INPP5F: variants seen among roughly 807,000 people sequenced by gnomAD.
INPP5F encodes the protein phosphatidylinositide 4-phosphatase SAC2.
Under a neutral mutation model 137.2 loss-of-function variants are expected in INPP5F, and 97 were observed. That is an observed-to-expected ratio of 0.71 (90% confidence interval 0.60 to 0.84). INPP5F has a LOEUF of 0.84. Among genes scored for constraint, INPP5F ranks in the 40% least tolerant of loss-of-function variants. The probability of loss-of-function intolerance (pLI) is 0.00; values close to 1 mark genes in which losing one functional copy is unlikely to be tolerated. For synonymous variants in INPP5F, 504 were observed against 476.9 expected (o/e 1.06, Z -0.74); for missense variants, 1,271 against 1,371.9 (o/e 0.93, Z 1.16).
chr10:119,749,212 G>T lies in INPP5F; in HGVS notation c.98-1864G>T, dbSNP rs145416180. Among the ~76,000 whole-genome samples, 4 of 152,284 alleles carry T rather than the reference G, an allele frequency of 2.6e-5. No individual in the cohort carries two copies. The East Asian group carries it at 7.7e-4, about 29-fold the overall frequency. On this transcript the variant is annotated intron_variant, in intron 1 of 19. Transcript: ENST00000650623. The stretch of plus-strand genomic sequence containing the variant: ...TCTTCCCGGGTAGCTGAGAGTACAG[G>T]AATGCCCAGGTCTGGAGCCTCTGCT...
chr10:119,747,691 T>G (rs536892276), intron 1 of INPP5F, among the ~76,000 whole-genome samples: 18 of 152,342 alleles, frequency 1.2e-4, no homozygotes, highest in African/African-American at 3.8e-4. Context: ...CAAAAGCTAT[T>G]AATTAGAGAG....
chr10:119,727,639 A>AT (rs1025830146), intron 1 of INPP5F, among the ~76,000 whole-genome samples: 1 of 152,020 alleles, frequency 6.6e-6, no homozygotes, highest in Non-Finnish European at 1.5e-5. Flanking sequence ...AGGATAACTT[A>AT]TTTTTTTCCT....
chr10:119,750,973 CT>C, intron 1 of INPP5F, 102 bp from the exon 2 acceptor site: 1 of 767,588 alleles, frequency 1.3e-6, no homozygotes, highest in Non-Finnish European at 2.3e-6. Flanking sequence ...ATTCATACTG[CT>C]TTTTTGGGAC....
chr10:119,760,515 C>G (rs972143621), intron 2 of INPP5F, among the ~76,000 whole-genome samples: 1 of 152,184 alleles, frequency 6.6e-6, no homozygotes, highest in African/African-American at 2.4e-5. Flanking sequence ...GCCACCTATA[C>G]AGGTGCTTTC....
intron 14 of INPP5F, among the ~76,000 whole-genome samples, chr10:119,810,707 T>C (rs1420754938): frequency 1.3e-5 from 2 of 152,148 alleles, no homozygotes; most frequent in Non-Finnish European, 2.9e-5. Flanking sequence ...CAACTCATCA[T>C]TTTTTTGGAA....
In INPP5F at chr10:119,827,058, G is replaced by A; in HGVS notation, c.2677G>A (p.Gly893Ser). 2 of 1,613,992 alleles carry A rather than the reference G, an allele frequency of 1.2e-6. No homozygotes were observed. Among genetic ancestry groups the A allele is most frequent in the South Asian group, 1.1e-5 (1 of 91,074 alleles). ...AATAGATTACGTTCTTCCTAGTTGT[G>A]GTATTATTGCCTCAGCGCCTCGATT... ...GPIDYVLPSC[G>S]IIASAPRLGS... is the part of the protein sequence containing the mutation. The change falls in exon 20 of 20, where the codon GGT becomes AGT. Residue 893 changes from glycine to serine, a missense_variant. Coordinates refer to ENST00000650623, the MANE Select transcript of INPP5F (RefSeq NM_014937.4).
At chr10:119,812,062 C>A in intron 15 of INPP5F, 107 bp downstream of exon 15, 1 of 835,668 alleles carries the variant, frequency 1.2e-6, no homozygotes, top group Non-Finnish European at 2.0e-6. Context: ...GGATGCATGG[C>A]GCGTGACTAT....
At position 119,804,235 on chromosome 10, in the gene INPP5F, G is replaced by A; in HGVS notation, c.1179G>A (p.Lys393=). ...REKIIGDAYL[K]QVLLFNNSHL... ...AGATTATTGGCGATGCTTACCTGAA[G>A]CAAGTGTTGCTTTTCAACAACTCAC... Residue 393 remains lysine (K), a synonymous_variant, in exon 10 of 20, where the codon AAG becomes AAA. Transcript: ENST00000650623. 6.2e-7 allele frequency: 1 copy of A among 1,612,232 alleles called. No homozygotes were observed. The highest frequency in any genetic ancestry group is 8.5e-7 in the Non-Finnish European group (1 of 1,178,758).
chr10:119,793,718 C>G (rs1441436486), intron 6 of INPP5F: 2 of 152,260 alleles, frequency 1.3e-5, no homozygotes, highest in Non-Finnish European at 2.9e-5. Context: ...ACGATCTCAG[C>G]CCACTGCAAC....
intron 2 of INPP5F, among the ~76,000 whole-genome samples, chr10:119,774,041 G>C (rs923035714): frequency 2.0e-5 from 3 of 152,114 alleles, no homozygotes; most frequent in African/African-American, 7.2e-5. Flanking sequence ...AAGGTGGGCA[G>C]ATCACAAGGT....
At chr10:119,775,708 T>C (rs1330197954) in intron 2 of INPP5F, among the ~76,000 whole-genome samples, 1 of 152,204 alleles carries the variant, frequency 6.6e-6, no homozygotes, top group Non-Finnish European at 1.5e-5. Flanking sequence ...GAGTCATTCA[T>C]TGATAACTGT....
chr10:119,778,694 A>G (rs1849605007), intron 2 of INPP5F, among the ~76,000 whole-genome samples: 1 of 152,194 alleles, frequency 6.6e-6, no homozygotes, highest in Non-Finnish European at 1.5e-5. Context: ...CTCTTCTGAA[A>G]AATAAATTTA....
chr10:119,753,596 C>G (rs574182708), intron 2 of INPP5F, among the ~76,000 whole-genome samples: 13 of 152,052 alleles, frequency 8.5e-5, no homozygotes, highest in African/African-American at 3.1e-4. Flanking sequence ...GAGTCCTCCT[C>G]TCTCTCCTGG....
At chr10:119,735,505 A>C (rs1018957622) in intron 1 of INPP5F, among the ~76,000 whole-genome samples, 17 of 152,248 alleles carry the variant, frequency 1.1e-4, no homozygotes, top group African/African-American at 4.8e-5. Context: ...AAAACATGCC[A>C]TCATGCTCTC....
chr10:119,757,067 C>CTTTATTTATTTA lies in INPP5F; in HGVS notation c.178+5923_178+5934dup, dbSNP rs10642582. 1.4e-4 allele frequency among the ~76,000 whole-genome samples: 21 copies of CTTTATTTATTTA among 149,894 alleles called. No homozygotes were observed. The East Asian group carries it at 1.8e-3, about 13-fold the overall frequency. ...GGTTTGACCAGTTGAGATTTCTTTA[C>CTTTATTTATTTA]TTTATTTATTTATTTATTTATTTTT... is the stretch of plus-strand genomic sequence containing the variant. On this transcript the variant is annotated intron_variant, in intron 2 of 19. Coordinates refer to ENST00000650623, the MANE Select transcript of INPP5F (RefSeq NM_014937.4).
chr10:119,743,653 G>A (rs1365017605), intron 1 of INPP5F, among the ~76,000 whole-genome samples: 10 of 140,020 alleles, frequency 7.1e-5, no homozygotes, highest in East Asian at 2.4e-4. Flanking sequence ...TGCTGGGGGC[G>A]GGGGGCGGGG....
chr10:119,753,593 C>T (rs1359481810), intron 2 of INPP5F, among the ~76,000 whole-genome samples: 1 of 152,064 alleles, frequency 6.6e-6, no homozygotes, highest in East Asian at 1.9e-4. Flanking sequence ...CTTGAGTCCT[C>T]CTCTCTCTCC....
chr10:119,819,450 C>T (rs567413004), intron 15 of INPP5F: 2 of 1,557,528 alleles, frequency 1.3e-6, no homozygotes, highest in Admixed American at 1.9e-5. Flanking sequence ...GAAAGTAACA[C>T]TGTAATTAGT....
chr10:119,812,882 A>AT (rs1039246486), intron 15 of INPP5F, among the ~76,000 whole-genome samples: 8 of 151,780 alleles, frequency 5.3e-5, no homozygotes, highest in Admixed American at 4.6e-4. Flanking sequence ...CTTCACTTGT[A>AT]TTTTTAGTGG....
Sources: gnomAD v4.1 joint callset for allele counts (sites outside exome capture counted in the v4.1 genomes callset) on GRCh38, gnomAD v4.1.1 for gene constraint, MANE v1.5 for transcripts, NCBI Gene and HGNC (gene_info 2026-07-23, HGNC 2026-07-21) for gene names.